CDH13: variants seen among roughly 807,000 people sequenced by gnomAD.
CDH13 encodes cadherin-13.
In CDH13, 24 loss-of-function variants were observed where a neutral mutation model predicts 63.8. That is an observed-to-expected ratio of 0.38 (90% CI 0.27 to 0.53). The LOEUF (loss-of-function observed/expected upper bound fraction) is 0.53. Ranked by LOEUF, CDH13 falls within the 20% of genes least tolerant of loss-of-function variation. CDH13 has a pLI of 0.85. For missense variants in CDH13, 1,049 were observed against 903.1 expected (o/e 1.16, Z -2.07); for synonymous variants, 503 against 355.3 (o/e 1.42, Z -4.67).
intron 5 of CDH13, among the ~76,000 whole-genome samples, chr16:83,280,102 C>A (rs972519547): frequency 2.0e-5 from 3 of 152,132 alleles, no homozygotes; most frequent in Non-Finnish European, 4.4e-5. Context: ...TAAAATAAGA[C>A]AACAATGAAG....
intron 4 of CDH13, among the ~76,000 whole-genome samples, chr16:83,142,673 A>T (rs917575482): frequency 6.6e-6 from 1 of 152,186 alleles, no homozygotes; most frequent in East Asian, 1.9e-4. Context: ...AGATAGCAGA[A>T]TCTCAGTTTT....
At chr16:83,718,431 C>T (rs989845340) in intron 10 of CDH13, among the ~76,000 whole-genome samples, 6 of 152,078 alleles carry the variant, frequency 3.9e-5, no homozygotes, top group East Asian at 1.9e-4. Context: ...TGAGTGTGAG[C>T]GTTTTCAAGA....
chr16:83,366,519 C>G (rs944308892), intron 6 of CDH13, among the ~76,000 whole-genome samples: 4 of 152,132 alleles, frequency 2.6e-5, no homozygotes, highest in African/African-American at 9.7e-5. Context: ...TCATAAGATG[C>G]TGGGATTTGA....
chr16:82,880,183 A>G (rs2040651256), intron 2 of CDH13, among the ~76,000 whole-genome samples: 3 of 152,142 alleles, frequency 2.0e-5, no homozygotes, highest in Admixed American at 6.6e-5. Context: ...ATCGCCCTAT[A>G]TATTTTCCAC....
chr16:82,855,475 G>A (rs1204271522), intron 1 of CDH13, among the ~76,000 whole-genome samples: 3 of 152,158 alleles, frequency 2.0e-5, no homozygotes, highest in African/African-American at 7.2e-5. Flanking sequence ...GTAGGCACTG[G>A]GTGTATGGAG....
In CDH13 at chr16:82,916,547, C is replaced by T. The variant is rs560774445; in HGVS notation, c.157+58074C>T. On this transcript the variant is annotated intron_variant, in intron 2 of 13. Transcript: ENST00000567109. ...TGAGATCGCGCCACAGCACTCCAGCCTGGGTGACAGGGTGAGACTCTGTCT... is the reference window on the plus strand; with the variant it reads ...TGAGATCGCGCCACAGCACTCCAGCTTGGGTGACAGGGTGAGACTCTGTCT... Among the ~76,000 whole-genome samples the T allele has an allele frequency of 3.3e-5, 5 of 151,362 alleles. No individual in the cohort carries two copies. In the East Asian group the frequency reaches 5.8e-4, roughly 18 times the overall value.
chr16:83,654,320 C>T (rs1029602371), intron 8 of CDH13, among the ~76,000 whole-genome samples: 4 of 151,980 alleles, frequency 2.6e-5, no homozygotes, highest in African/African-American at 9.7e-5. Context: ...CCTCCTGCAC[C>T]CTCACGTGGT....
chr16:82,958,828 C>G (rs765574803), intron 2 of CDH13, among the ~76,000 whole-genome samples: 1 of 152,246 alleles, frequency 6.6e-6, no homozygotes, highest in African/African-American at 2.4e-5. Context: ...TGCCCAAAGG[C>G]CTTCAAGTGC....
intron 6 of CDH13, among the ~76,000 whole-genome samples, chr16:83,411,280 T>C (rs2092121985): frequency 6.6e-6 from 1 of 152,188 alleles, no homozygotes; most frequent in Non-Finnish European, 1.5e-5. Context: ...TCTTGTCTGG[T>C]TACCCCACTG....
intron 6 of CDH13, among the ~76,000 whole-genome samples, chr16:83,368,874 G>T (rs1413548825): frequency 1.2e-5 from 1 of 80,942 alleles, no homozygotes; most frequent in Non-Finnish European, 2.3e-5. Context: ...CTGAGTAGTA[G>T]TATTCCATGT....
At chr16:83,793,397 C>T (rs191882545) in intron 13 of CDH13, among the ~76,000 whole-genome samples, 1 of 152,330 alleles carries the variant, frequency 6.6e-6, no homozygotes, top group East Asian at 1.9e-4. Context: ...AGACTCCACA[C>T]TGGAGCCAGC....
In CDH13 at chr16:83,678,408, G is replaced by A; in HGVS notation, c.1485G>A (p.Val495=). 2 of 1,613,986 alleles carry A rather than the reference G, an allele frequency of 1.2e-6. No individual in the cohort carries two copies. The highest frequency in any genetic ancestry group is 1.7e-6 in the Non-Finnish European group (2 of 1,179,898). ...AGGAGGACCTCTCTGTGGGCAGCGTGCTGCTGACAGTGAATGCCACGGACC... is the reference window on the plus strand; with the variant it reads ...AGGAGGACCTCTCTGTGGGCAGCGTACTGCTGACAGTGAATGCCACGGACC... ...TRQEDLSVGS[V]LLTVNATDPD... is the part of the protein sequence containing the mutation. Residue 495 remains valine, a synonymous_variant, in exon 10 of 14, where the codon GTG becomes GTA. Coordinates refer to ENST00000567109, the MANE Select transcript of CDH13 (RefSeq NM_001257.5).
intron 11 of CDH13, among the ~76,000 whole-genome samples, chr16:83,764,253 C>G (rs921510594): frequency 6.6e-6 from 1 of 151,062 alleles, no homozygotes; most frequent in Non-Finnish European, 1.5e-5. Flanking sequence ...GGGCCATGGA[C>G]CCCCCCACTT....
intron 4 of CDH13, among the ~76,000 whole-genome samples, chr16:83,178,899 G>A (rs191046764): frequency 1.3e-5 from 2 of 152,124 alleles, no homozygotes; most frequent in African/African-American, 4.8e-5. Context: ...TATTAAAGTT[G>A]CTTCTGGAAG....
chr16:83,379,938 T>TATATATAGAGAGAGAGGGAGAG, intron 6 of CDH13, among the ~76,000 whole-genome samples: 1 of 123,448 alleles, frequency 8.1e-6, no homozygotes. Context: ...TATATATATA[T>TATATATAGAGAGAGAGGGAGAG]AGAGAGAGAG....
At chr16:82,878,348 A>G (rs1315776464) in intron 2 of CDH13, among the ~76,000 whole-genome samples, 2 of 151,868 alleles carry the variant, frequency 1.3e-5, no homozygotes, top group African/African-American at 4.8e-5. Context: ...CTTTAGACTA[A>G]ATGTTGAATC....
At chr16:83,126,110 G>C (rs986521975) in intron 4 of CDH13, among the ~76,000 whole-genome samples, 2 of 152,188 alleles carry the variant, frequency 1.3e-5, no homozygotes, top group Non-Finnish European at 2.9e-5. Flanking sequence ...ATCAAATTTT[G>C]AGCAGTTTGT....
chr16:82,779,646 C>T (rs184660737), intron 1 of CDH13, among the ~76,000 whole-genome samples: 3 of 152,124 alleles, frequency 2.0e-5, no homozygotes, highest in Non-Finnish European at 4.4e-5. Flanking sequence ...TACCTGTAAC[C>T]GACAGCTCTC....
At chr16:83,310,033 C>T (rs922625130) in intron 5 of CDH13, among the ~76,000 whole-genome samples, 1 of 152,208 alleles carries the variant, frequency 6.6e-6, no homozygotes, top group South Asian at 2.1e-4. Flanking sequence ...AAAGAATATG[C>T]ATATATTAAT....
Sources: allele counts gnomAD v4.1 joint callset (sites outside exome capture counted in the v4.1 genomes callset), GRCh38; gene constraint gnomAD v4.1.1; transcripts MANE v1.5; gene names NCBI Gene and HGNC (gene_info 2026-07-23, HGNC 2026-07-21).